ADAP2: variants seen among roughly 807,000 people sequenced by gnomAD.
ADAP2 encodes the protein ArfGAP with dual PH domains 2, also known as arf-GAP with dual PH domain-containing protein 2.
ADAP2 carries 42 observed loss-of-function variants against 54.9 expected under a neutral mutation model. That is an observed-to-expected ratio of 0.77 (90% CI 0.60 to 0.99). The LOEUF is 0.99. Ranked by LOEUF, ADAP2 falls within the 50% of genes least tolerant of loss-of-function variation. ADAP2 has a pLI of 0.00. For synonymous variants in ADAP2, 177 were observed against 180.1 expected (o/e 0.98, Z 0.14); for missense variants, 429 against 480.4 (o/e 0.89, Z 1.00).
At chr17:30,956,150 T>C in intron 9 of ADAP2, 91 bp from the exon 10 acceptor site, 1 of 1,189,614 alleles carries the variant, frequency 8.4e-7, no homozygotes, top group Non-Finnish European at 1.2e-6. Context: ...CTCATACCCC[T>C]TTCCCAAAAT....
In ADAP2 at chr17:30,958,526, G is replaced by C. The variant is rs1241726516; in HGVS notation, c.*657G>C. 6.6e-6 allele frequency: 1 copy of C among 152,374 alleles called. No individual in the cohort carries two copies. Among genetic ancestry groups the C allele is most frequent in the African/African-American group, 2.4e-5 (1 of 41,442 alleles). The allele number at this position is 152,374 out of a possible 1,614,324, so 9.4% of individuals were successfully genotyped here. ...CCTTTCCTCTGTCTTCAAGCACCACGCAGAAATACACTGGATGTTCTCTCT... is the reference window on the plus strand; with the variant it reads ...CCTTTCCTCTGTCTTCAAGCACCACCCAGAAATACACTGGATGTTCTCTCT... On this transcript the variant is annotated 3_prime_UTR_variant, in exon 11 of 11. Transcript: ENST00000330889.
At chr17:30,922,231 G>A (rs1910670205) in intron 1 of ADAP2, 123 bp downstream of exon 1, 1 of 646,682 alleles carries the variant, frequency 1.5e-6, no homozygotes, top group Admixed American at 4.5e-5. Flanking sequence ...GGCACCTGCG[G>A]GCCCCGACCC....
At chr17:30,949,748 C>CAAAA (rs34131343) in intron 7 of ADAP2, among the ~76,000 whole-genome samples, 24 of 61,722 alleles carry the variant, frequency 3.9e-4, no homozygotes, top group African/African-American at 7.2e-4. Context: ...GACTCCGTCT[C>CAAAA]AAAAAAAAAA....
chr17:30,954,784 G>A (rs1904940374), intron 9 of ADAP2, among the ~76,000 whole-genome samples: 1 of 152,130 alleles, frequency 6.6e-6, no homozygotes, highest in Admixed American at 6.6e-5. Flanking sequence ...CCAAAATGCT[G>A]CCCATGGTAG....
At chr17:30,935,733 A>T (rs1911824050) in intron 5 of ADAP2, among the ~76,000 whole-genome samples, 1 of 152,178 alleles carries the variant, frequency 6.6e-6, no homozygotes, top group Non-Finnish European at 1.5e-5. Flanking sequence ...TGCACAAACG[A>T]CTTAACCATA....
intron 5 of ADAP2, among the ~76,000 whole-genome samples, chr17:30,941,113 G>A (rs1912238519): frequency 6.6e-6 from 1 of 152,182 alleles, no homozygotes; most frequent in African/African-American, 2.4e-5. Context: ...CTCTGCTCTT[G>A]TCTGCAACTG....
At chr17:30,953,538 C>G (rs575540714) in intron 8 of ADAP2, among the ~76,000 whole-genome samples, 188 bp downstream of exon 8, 1 of 152,180 alleles carries the variant, frequency 6.6e-6, no homozygotes, top group African/African-American at 2.4e-5. Context: ...CATAAACTTT[C>G]TTTTTTAAAT....
chr17:30,937,566 G>A (rs1911980395), intron 5 of ADAP2, among the ~76,000 whole-genome samples: 1 of 152,212 alleles, frequency 6.6e-6, no homozygotes, highest in South Asian at 2.1e-4. Context: ...CTGCTAGGGT[G>A]AGTAGGGAGG....
chr17:30,923,683 T>C (rs1323940342), intron 2 of ADAP2, among the ~76,000 whole-genome samples: 1 of 151,278 alleles, frequency 6.6e-6, no homozygotes, highest in Non-Finnish European at 1.5e-5. Context: ...TTCTCTTTTT[T>C]TCTTTCTTCC....
chr17:30,957,110 A>T (rs1363153435), intron 10 of ADAP2: 1 of 156,510 alleles, frequency 6.4e-6, no homozygotes, highest in Non-Finnish European at 1.4e-5. Flanking sequence ...CAGACTGAGC[A>T]GGTGACCCCC....
intron 5 of ADAP2, among the ~76,000 whole-genome samples, chr17:30,936,863 C>T (rs2142537674): frequency 1.3e-5 from 2 of 152,246 alleles, no homozygotes; most frequent in Middle Eastern, 3.4e-3. Flanking sequence ...TTGGATTTTA[C>T]TGAGTGAGAT....
intron 3 of ADAP2, 111 bp from the exon 4 acceptor site, chr17:30,931,778 G>A (rs1378842822): frequency 1.4e-5 from 10 of 707,762 alleles, no homozygotes; most frequent in East Asian, 5.4e-5. Flanking sequence ...CCGTGATCAC[G>A]TGATCACACC....
rs746749267 is a variant in ADAP2, at chr17:30,953,325, G to C, written c.779G>C (p.Gly260Ala). 1.9e-6 allele frequency: 3 copies of C among 1,614,000 alleles called. No individual in the cohort carries two copies. Among genetic ancestry groups the C allele is most frequent in the South Asian group, 1.1e-5 (1 of 91,074 alleles). ...CTCACCAGGAACTACCTCAAACAAG[G>C]CTTCATGGAAAAGACTGGGCCAAAG... The part of the protein sequence containing the change: ...PFLTRNYLKQ[G>A]FMEKTGPKQK... The change falls in exon 8 of 11, where the codon GGC (glycine) becomes GCC (alanine). Residue 260 changes from glycine (G) to alanine (A), a missense_variant. By Grantham distance (60) the Gly-to-Ala change is moderately conservative (BLOSUM62 0). Coordinates refer to ENST00000330889, the MANE Select transcript of ADAP2 (RefSeq NM_018404.3).
chr17:30,949,418 CCTT>C (rs1325832236), intron 7 of ADAP2, 48 bp downstream of exon 7: 2 of 1,537,436 alleles, frequency 1.3e-6, no homozygotes, highest in Non-Finnish European at 1.8e-6. Flanking sequence ...TTGGCCATCT[CCTT>C]CTTTCCCTGT....
intron 5 of ADAP2, among the ~76,000 whole-genome samples, chr17:30,937,234 T>G (rs952641190): frequency 6.6e-6 from 1 of 151,922 alleles, no homozygotes; most frequent in East Asian, 1.9e-4. Context: ...TATTTATTTA[T>G]TTTTTGAGAT....
intron 5 of ADAP2, among the ~76,000 whole-genome samples, chr17:30,937,757 A>G (rs1264071255): frequency 1.3e-5 from 2 of 152,240 alleles, no homozygotes; most frequent in Non-Finnish European, 2.9e-5. Flanking sequence ...AAGAGGAATC[A>G]AGGATGATTC....
intron 5 of ADAP2, among the ~76,000 whole-genome samples, chr17:30,939,719 C>T (rs908350783): frequency 8.9e-5 from 13 of 146,434 alleles, no homozygotes; most frequent in Non-Finnish European, 1.5e-4. Flanking sequence ...TGCAGTGAGC[C>T]GAGATGGCGC....
chr17:30,932,409 CTTTTATTTTTTTAT>C (rs1398867474), intron 4 of ADAP2, among the ~76,000 whole-genome samples: 1 of 151,364 alleles, frequency 6.6e-6, no homozygotes, highest in East Asian at 1.9e-4. Flanking sequence ...ATTTTAGTGG[CTTTTATTTTTTTAT>C]TTTTATTTTT....
At chr17:30,924,271 G>A (rs981855197) in intron 2 of ADAP2, among the ~76,000 whole-genome samples, 1 of 152,030 alleles carries the variant, frequency 6.6e-6, no homozygotes, top group Non-Finnish European at 1.5e-5. Flanking sequence ...TACTTCGGGG[G>A]CTGGGGTGGG....
Sources: allele counts gnomAD v4.1 joint callset (sites outside exome capture counted in the v4.1 genomes callset), GRCh38; gene constraint gnomAD v4.1.1; transcripts MANE v1.5; gene names NCBI Gene and HGNC (gene_info 2026-07-23, HGNC 2026-07-21).